The following KEL variants were observed in gnomAD, a reference collection of about 807,000 sequenced individuals.
The protein encoded by KEL is kell blood group glycoprotein.
A neutral mutation model predicts 99.5 loss-of-function variants in KEL; 96 were observed. The ratio of observed to expected loss-of-function variants is 0.97; its 90% confidence interval spans 0.82 to 1.14. The LOEUF is 1.14. KEL is among the 50% of genes most tolerant of loss of function. The pLI, the probability that KEL is intolerant of heterozygous loss-of-function variation, is 0.00. For missense variants in KEL, 926 were observed against 924.2 expected (o/e 1.00, Z -0.03); for synonymous variants, 355 against 354.8 (o/e 1.00, Z -0.01).
intron 10 of KEL, among the ~76,000 whole-genome samples, chr7:142,952,301 T>A (rs150125084): frequency 6.6e-6 from 1 of 152,262 alleles, no homozygotes; most frequent in East Asian, 1.9e-4. Context: ...GGCTGGGAGA[T>A]GTGTGCCTGA....
At position 142,944,350 on chromosome 7, in the gene KEL, T is replaced by C. The variant is rs1028530507; in HGVS notation, c.1464A>G (p.Pro488=). 6.2e-7 allele frequency: 1 copy of C among 1,614,098 alleles called. No individual in the cohort carries two copies. The highest frequency in any genetic ancestry group is 8.5e-7 in the Non-Finnish European group (1 of 1,179,938). The change falls in exon 13 of 19, where the codon CCA becomes CCG. Residue 488 remains proline (P), a synonymous_variant. Transcript: ENST00000355265. The part of the protein sequence containing the change: ...EMGASEWALK[P]ELARQEYNDI... ...CGTTGTATTCTTGTCGGGCCAGCTC[T>C]GGCTTCAGGGCCCATTCTGAAGCCC...
At chr7:142,960,084 C>A (rs1488562738) in intron 4 of KEL, among the ~76,000 whole-genome samples, 1 of 152,186 alleles carries the variant, frequency 6.6e-6, no homozygotes, top group Non-Finnish European at 1.5e-5. Flanking sequence ...TCTGGTTTTC[C>A]TCTCAGTCCT....
intron 10 of KEL, 97 bp from the exon 11 acceptor site, chr7:142,946,414 C>T: frequency 3.1e-6 from 3 of 973,802 alleles, no homozygotes; most frequent in Non-Finnish European, 4.8e-6. Context: ...AGAGGGTGCT[C>T]TTTTGACTGG....
chr7:142,960,999 C>T lies in KEL; in HGVS notation c.329G>A (p.Arg110Lys), dbSNP rs934798107. ...AAAAGAATTATTGGTCTCTTTGGCC[C>T]TTCCACAGGCAAAGCTGAAGAAGTC... ...CTDFFSFACG[R>K]AKETNNSFQE... is the part of the protein sequence containing the mutation. Residue 110 changes from arginine (R) to lysine (K), a missense_variant, in exon 4 of 19, where the codon AGG becomes AAG. Coordinates refer to ENST00000355265, the MANE Select transcript of KEL (RefSeq NM_000420.3). 1 of 1,614,098 alleles carries T rather than the reference C, an allele frequency of 6.2e-7. No homozygotes were observed. The highest frequency in any genetic ancestry group is 1.3e-5 in the African/African-American group (1 of 74,928).
At chr7:142,954,551 G>C (rs1796778734) in intron 6 of KEL, 24 bp from the exon 7 acceptor site, 1 of 1,611,510 alleles carries the variant, frequency 6.2e-7, no homozygotes, top group Non-Finnish European at 8.5e-7. Context: ...AGACTGGAGA[G>C]AAGCAGGGAG....
At chr7:142,953,204 G>A (rs948219773) in intron 9 of KEL, 2 of 253,926 alleles carry the variant, frequency 7.9e-6, no homozygotes, top group Non-Finnish European at 1.2e-5. Context: ...ATCAGGGGAG[G>A]CAGAGAGCCC....
intron 17 of KEL, 98 bp from the exon 18 acceptor site, chr7:142,942,627 C>T (rs1796391379): frequency 1.0e-6 from 1 of 967,624 alleles, no homozygotes; most frequent in Non-Finnish European, 1.6e-6. Context: ...CCCTTGCTCA[C>T]TGGTTCTGCA....
chr7:142,942,732 C>A (rs1796394290), intron 17 of KEL, 143 bp downstream of exon 17: 5 of 1,091,462 alleles, frequency 4.6e-6, no homozygotes, highest in Non-Finnish European at 4.2e-6. Flanking sequence ...GGGGGATCCC[C>A]AAGTTGCCGT....
chr7:142,957,796 C>A (rs1586269532), intron 6 of KEL, 31 bp downstream of exon 6: 1 of 1,613,582 alleles, frequency 6.2e-7, no homozygotes, highest in African/African-American at 1.3e-5. Flanking sequence ...CAGGCCAGGT[C>A]CAACTGTGTC....
chr7:142,947,602 G>A (rs555125225), intron 10 of KEL, among the ~76,000 whole-genome samples: 6 of 152,284 alleles, frequency 3.9e-5, no homozygotes, highest in African/African-American at 1.4e-4. Flanking sequence ...CCAGGCTGGA[G>A]TGCAGTGGTG....
At chr7:142,960,602 G>A (rs1385958260) in intron 4 of KEL, among the ~76,000 whole-genome samples, 1 of 152,170 alleles carries the variant, frequency 6.6e-6, no homozygotes, top group Non-Finnish European at 1.5e-5. Context: ...ACAAGTTGGA[G>A]AGAATGGAGT....
At chr7:142,941,572 G>T (rs1304408691) in intron 18 of KEL, among the ~76,000 whole-genome samples, 159 bp from the exon 19 acceptor site, 1 of 152,154 alleles carries the variant, frequency 6.6e-6, no homozygotes, top group African/African-American at 2.4e-5. Context: ...CATTTAATCT[G>T]GCAATAGGAG....
intron 18 of KEL, 130 bp from the exon 19 acceptor site, chr7:142,941,543 G>T: frequency 2.5e-6 from 2 of 800,608 alleles, no homozygotes; most frequent in Non-Finnish European, 4.0e-6. Flanking sequence ...GCCACATGGA[G>T]CATTTGAAAT....
intron 4 of KEL, among the ~76,000 whole-genome samples, chr7:142,960,528 A>T (rs1311770319): frequency 6.6e-6 from 1 of 152,236 alleles, no homozygotes; most frequent in East Asian, 1.9e-4. Context: ...GGAGGAAAAC[A>T]CCATGCATAG....
At chr7:142,949,891 A>G (rs531084628) in intron 10 of KEL, among the ~76,000 whole-genome samples, 1 of 152,364 alleles carries the variant, frequency 6.6e-6, no homozygotes, top group Admixed American at 6.5e-5. Context: ...CAAGTTTCAT[A>G]AAAGAAAACC....
rs1219347286 is a variant in KEL at position 142,952,596 on chromosome 7, G to C, written c.1116C>G (p.Thr372=). The C allele has an allele frequency of 3.1e-6, 5 of 1,613,996 alleles. No homozygotes were observed. Among genetic ancestry groups the C allele is most frequent in the East Asian group, 2.2e-5 (1 of 44,858 alleles). Reference sequence around the variant, plus strand: ...ATTGACTGTCCAGGGCTGGAGAAAGGGTCACCACCAGCCCTAAGATCATGT... The same window carrying C: ...ATTGACTGTCCAGGGCTGGAGAAAGCGTCACCACCAGCCCTAAGATCATGT... The part of the protein sequence containing the change: ...QSHMILGLVV[T]LSPALDSQFQ... The change falls in exon 10 of 19, where the codon ACC becomes ACG. Residue 372 remains threonine, a synonymous_variant. Coordinates refer to ENST00000355265, the MANE Select transcript of KEL (RefSeq NM_000420.3).
chr7:142,944,022 A>G (rs1562957376), intron 13 of KEL, 139 bp from the exon 14 acceptor site: 1 of 746,238 alleles, frequency 1.3e-6, no homozygotes. Flanking sequence ...GAGCAGCCCA[A>G]TGGCATCACT....
At chr7:142,943,990 C>T in intron 13 of KEL, 107 bp from the exon 14 acceptor site, 2 of 877,906 alleles carry the variant, frequency 2.3e-6, no homozygotes, top group South Asian at 1.4e-5. Flanking sequence ...CCCTGACAGG[C>T]AGGCATCCAG....
Position 142,954,203 on chromosome 7 carries a change from A to C in KEL, c.905T>G (p.Val302Gly). The C allele has an allele frequency of 6.2e-7, 1 of 1,611,420 alleles. No homozygotes were observed. Among genetic ancestry groups the C allele is most frequent in the Non-Finnish European group, 8.5e-7 (1 of 1,179,962 alleles). ...AGGCACCTTGAGCTGGTCGATAGTG[A>C]CCATCTGGAAGAGCTTGCCCTGTGC... ...RRAQGKLFQMVTIDQLKEMAP... is the reference protein window; with the variant it reads ...RRAQGKLFQMGTIDQLKEMAP... The change falls in exon 8 of 19, where the codon GTC (valine) becomes GGC (glycine). Residue 302 changes from valine (V) to glycine (G), a missense_variant. Transcript: ENST00000355265.
Sources: gnomAD v4.1 joint callset for allele counts (sites outside exome capture counted in the v4.1 genomes callset) on GRCh38, gnomAD v4.1.1 for gene constraint, MANE v1.5 for transcripts, NCBI Gene and HGNC (gene_info 2026-07-23, HGNC 2026-07-21) for gene names.